Variants in KAZN observed in about 807,000 individuals in gnomAD.
KAZN encodes kazrin, periplakin interacting protein.
In KAZN, 40 loss-of-function variants were observed where a neutral mutation model predicts 87.4. The ratio of observed to expected loss-of-function variants is 0.46; its 90% CI spans 0.36 to 0.60. The LOEUF (loss-of-function observed/expected upper bound fraction) is 0.60, where lower values mean the gene tolerates loss of function less well. KAZN is among the 20% of genes least tolerant of loss of function. KAZN has a pLI of 0.00. For missense variants in KAZN, 898 were observed against 1,073.9 expected, an observed-to-expected ratio of 0.84 and a Z score of 2.29; for synonymous variants, 466 against 458.3, an observed-to-expected ratio of 1.02 and a Z score of -0.22.
rs1367132884 is a variant in KAZN at position 14,996,326 on chromosome 1, C to G, written c.418+35451C>G. 2.0e-5 allele frequency among the ~76,000 whole-genome samples: 3 copies of G among 152,070 alleles called. No individual in the cohort carries two copies. Among genetic ancestry groups the G allele is most frequent in the Non-Finnish European group, 4.4e-5 (3 of 68,010 alleles). On this transcript the variant is annotated intron_variant, in intron 2 of 14. Coordinates refer to ENST00000376030, the MANE Select transcript of KAZN (RefSeq NM_201628.3). This position sits in a 1 kb window ranked among gnomAD's most constrained non-coding sequence, Gnocchi z 5.9. ...CACCTTCCCTTCTGTTCCCTCAGTCCCTTCTCCCTGGGTCCTGACACTGGA... is the reference window on the plus strand; with the variant it reads ...CACCTTCCCTTCTGTTCCCTCAGTCGCTTCTCCCTGGGTCCTGACACTGGA...
At chr1:14,108,145 G>A (rs1221292138) in intron 1 of KAZN, among the ~76,000 whole-genome samples, 2 of 151,832 alleles carry the variant, frequency 1.3e-5, no homozygotes, top group African/African-American at 2.4e-5. Flanking sequence ...TGCTTTTTTT[G>A]TACCCCAAAC....
chr1:14,705,326 TGG>T (rs1642154283), intron 1 of KAZN, among the ~76,000 whole-genome samples: 1 of 152,230 alleles, frequency 6.6e-6, no homozygotes, highest in Admixed American at 6.5e-5. Flanking sequence ...TATACACTGT[TGG>T]TATGAATGTA....
intron 2 of KAZN, among the ~76,000 whole-genome samples, chr1:14,520,565 T>TGG (rs1183990459): frequency 6.6e-6 from 1 of 152,160 alleles, no homozygotes; most frequent in Non-Finnish European, 1.5e-5. Context: ...AGAGCTCCTC[T>TGG]GACTTCCTGC....
At chr1:14,614,607 T>C (rs1308011002) in intron 1 of KAZN, among the ~76,000 whole-genome samples, 2 of 152,196 alleles carry the variant, frequency 1.3e-5, no homozygotes, top group East Asian at 3.9e-4. Flanking sequence ...GAAAAATACA[T>C]GCGCAAAACC....
At chr1:14,269,152 G>A (rs907552163) in intron 2 of KAZN, among the ~76,000 whole-genome samples, 1 of 152,074 alleles carries the variant, frequency 6.6e-6, no homozygotes, top group Non-Finnish European at 1.5e-5. Flanking sequence ...CCCCCAAGGG[G>A]GTGAAAATTG....
chr1:14,004,785 G>A (rs1639964490), intron 1 of KAZN, among the ~76,000 whole-genome samples: 1 of 151,950 alleles, frequency 6.6e-6, no homozygotes, highest in Non-Finnish European at 1.5e-5. Context: ...TGAGAGATGG[G>A]GCCTTTAGGA....
At chr1:14,616,160 G>A (rs562093445) in intron 1 of KAZN, among the ~76,000 whole-genome samples, 1 of 152,308 alleles carries the variant, frequency 6.6e-6, no homozygotes, top group Non-Finnish European at 1.5e-5. Flanking sequence ...AGAAACTGAG[G>A]CTGGAGAGCG....
At chr1:14,634,324 A>T (rs757678671) in intron 1 of KAZN, among the ~76,000 whole-genome samples, 1 of 152,212 alleles carries the variant, frequency 6.6e-6, no homozygotes, top group Non-Finnish European at 1.5e-5. Flanking sequence ...AAGCTGAAAG[A>T]TCACTGAGGA....
intron 2 of KAZN, among the ~76,000 whole-genome samples, chr1:14,437,514 G>C (rs1018918354): frequency 6.6e-6 from 1 of 152,174 alleles, no homozygotes; most frequent in African/African-American, 2.4e-5. Flanking sequence ...CTGGCAGTCA[G>C]AAACAATGCA....
At position 14,923,918 on chromosome 1, in the gene KAZN, C is replaced by T. The variant is rs1186442054; in HGVS notation, c.227-36766C>T. Among the ~76,000 whole-genome samples the T allele has an allele frequency of 6.6e-6, 1 of 152,130 alleles. No homozygotes were observed. The highest frequency in any genetic ancestry group is 1.5e-5 in the Non-Finnish European group (1 of 67,992). On this transcript the variant is annotated intron_variant, in intron 1 of 14. Coordinates refer to ENST00000376030, the MANE Select transcript of KAZN (RefSeq NM_201628.3). The surrounding 1 kb of genome is among the most constrained non-coding windows in gnomAD (Gnocchi z 4.2). Reference sequence around the variant, plus strand: ...GTCACAGCCACCCCTGTGACATCGGCCGTCTTTCTGACCCTCCGTGTCCCC... The same window carrying T: ...GTCACAGCCACCCCTGTGACATCGGTCGTCTTTCTGACCCTCCGTGTCCCC...
intron 1 of KAZN, among the ~76,000 whole-genome samples, chr1:13,924,850 T>C (rs1640212279): frequency 6.6e-6 from 1 of 152,242 alleles, no homozygotes. Flanking sequence ...CCTGAGGCTG[T>C]GTCATGGATG....
At chr1:14,887,021 C>T (rs1011135946) in intron 1 of KAZN, among the ~76,000 whole-genome samples, 2 of 152,168 alleles carry the variant, frequency 1.3e-5, no homozygotes, top group Non-Finnish European at 2.9e-5. Flanking sequence ...ATCCCCCCAC[C>T]TACCCCCACG....
At chr1:13,948,692 C>T (rs1003174572) in intron 1 of KAZN, among the ~76,000 whole-genome samples, 4 of 151,934 alleles carry the variant, frequency 2.6e-5, no homozygotes, top group Admixed American at 6.6e-5. Flanking sequence ...ATGAACCGTT[C>T]TTTTTTTTCT....
chr1:14,382,750 G>C (rs1203359612), intron 2 of KAZN, among the ~76,000 whole-genome samples: 122 of 148,144 alleles, frequency 8.2e-4, no homozygotes, highest in African/African-American at 2.9e-3. Context: ...CCAAGTCTTT[G>C]CTATTGTGAA....
intron 1 of KAZN, among the ~76,000 whole-genome samples, chr1:14,165,458 T>A (rs757481551): frequency 3.9e-5 from 6 of 152,210 alleles, no homozygotes; most frequent in Non-Finnish European, 8.8e-5. Flanking sequence ...GTGAGCCTCC[T>A]GTCCGTGGCT....
intron 1 of KAZN, among the ~76,000 whole-genome samples, chr1:14,957,539 G>A (rs772827282): frequency 1.3e-5 from 2 of 152,234 alleles, no homozygotes; most frequent in African/African-American, 2.4e-5. Context: ...GCTGGGGAGC[G>A]AGTGAGCCTC....
intron 2 of KAZN, among the ~76,000 whole-genome samples, chr1:14,428,940 T>A (rs764086519): frequency 7.9e-5 from 12 of 151,944 alleles, no homozygotes; most frequent in Non-Finnish European, 1.6e-4. Context: ...GGATATATAT[T>A]ATATATAGAA....
At chr1:14,113,969 G>C (rs901572499) in intron 1 of KAZN, among the ~76,000 whole-genome samples, 1 of 152,188 alleles carries the variant, frequency 6.6e-6, no homozygotes, top group African/African-American at 2.4e-5. Flanking sequence ...GGTAGGAAGG[G>C]AAAAGCTCAG....
intron 2 of KAZN, among the ~76,000 whole-genome samples, chr1:14,514,047 G>A (rs562403998): frequency 2.0e-5 from 3 of 151,298 alleles, no homozygotes; most frequent in Non-Finnish European, 4.4e-5. Context: ...TAGGCCGGGC[G>A]TGGTGGCTCA....
Sources: gnomAD v4.1 joint callset for allele counts (sites outside exome capture counted in the v4.1 genomes callset) on GRCh38, gnomAD v4.1.1 for gene constraint, Gnocchi (gnomAD v3.1) non-coding constraint, MANE v1.5 for transcripts, NCBI Gene and HGNC (gene_info 2026-07-23, HGNC 2026-07-21) for gene names.